DHX36: variants seen among roughly 807,000 people sequenced by gnomAD.
DHX36 encodes the protein ATP-dependent DNA/RNA helicase DHX36.
A neutral mutation model predicts 139.0 loss-of-function variants in DHX36; 50 were observed. The observed-to-expected ratio is 0.36, with a 90% CI of 0.29 to 0.46. DHX36 has a LOEUF of 0.46. Among genes scored for constraint, DHX36 ranks in the 20% least tolerant of loss-of-function variants. DHX36 has a pLI of 1.00. For missense variants in DHX36, 1,024 were observed against 1,211.3 expected (o/e 0.85, Z 2.29); for synonymous variants, 425 against 401.9 (o/e 1.06, Z -0.69).
In DHX36 at chr3:154,280,724, G is replaced by C; in HGVS notation, c.2476+39C>G. On this transcript the variant is annotated intron_variant, in intron 21 of 24. Coordinates refer to ENST00000496811, the MANE Select transcript of DHX36 (RefSeq NM_020865.3). ...AGAAAAGTAAAATACTGATACAATA[G>C]ACAAAAGATACTTATTTACACTGTG... The C allele has an allele frequency of 3.1e-6, 5 of 1,603,560 alleles. No homozygotes were observed. In the South Asian group the frequency reaches 5.5e-5, roughly 18 times the overall value.
chr3:154,301,103 GT>G lies in DHX36; in HGVS notation c.1241del (p.His414ProfsTer14). The G allele has an allele frequency of 6.2e-7, 1 of 1,603,618 alleles. No homozygotes were observed. The highest frequency in any genetic ancestry group is 1.1e-5 in the South Asian group (1 of 87,676). ...KIRYVPEQKEHRSQFKRGFMQ... is the reference protein window; with the variant it reads ...KIRYVPEQKEXRSQFKRGFMQ... ...TGAAACCCCTCTTAAACTGGGATCT[GT>G]GTTCTTTTTGTTCTGGAACATACCT... is the stretch of plus-strand genomic sequence containing the variant. On this transcript the variant is annotated frameshift_variant, in exon 10 of 25. Transcript: ENST00000496811. LOFTEE classifies it high-confidence loss of function.
rs547184583 is a variant in DHX36, at chr3:154,295,634, T to C, written c.1550-295A>G. ...GCTAACATTTTGTTCTGTTAGTTTATTTCATATTGATAAGTATTTTCCCCA... is the reference window on the plus strand; with the variant it reads ...GCTAACATTTTGTTCTGTTAGTTTACTTCATATTGATAAGTATTTTCCCCA... On this transcript the variant is annotated intron_variant, in intron 12 of 24. Transcript: ENST00000496811. Among the ~76,000 whole-genome samples the C allele has an allele frequency of 2.6e-5, 4 of 152,366 alleles. No homozygotes were observed. The South Asian group carries it at 6.2e-4, about 24-fold the overall frequency.
At chr3:154,300,138 G>A (rs1246124751) in intron 11 of DHX36, among the ~76,000 whole-genome samples, 5 of 151,884 alleles carry the variant, frequency 3.3e-5, no homozygotes, top group Admixed American at 1.3e-4. Flanking sequence ...GCATGATCTC[G>A]GATCACTGCA....
In DHX36 at chr3:154,273,273, T is replaced by C. The variant is rs1320586213; in HGVS notation, c.*2898A>G. ...GTAAGTAGCACCTTGGATTAAAATGTCCAACCTAATCAGCTGTGCAGAAGA... is the reference window on the plus strand; with the variant it reads ...GTAAGTAGCACCTTGGATTAAAATGCCCAACCTAATCAGCTGTGCAGAAGA... On this transcript the variant is annotated 3_prime_UTR_variant, in exon 25 of 25. Coordinates refer to ENST00000496811, the MANE Select transcript of DHX36 (RefSeq NM_020865.3). The C allele has an allele frequency of 6.6e-6, 1 of 152,220 alleles. No homozygotes were observed. The highest frequency in any genetic ancestry group is 1.9e-4 in the East Asian group (1 of 5,204). The allele number at this position is 152,220 out of a possible 1,614,324, so 9.4% of individuals were successfully genotyped here. A position where few individuals can be genotyped will look rare whatever the true frequency, so the allele number is the denominator to read the frequency against.
intron 19 of DHX36, among the ~76,000 whole-genome samples, chr3:154,283,859 A>T (rs1719415926): frequency 6.6e-6 from 1 of 152,250 alleles, no homozygotes; most frequent in Non-Finnish European, 1.5e-5. Context: ...TGGGAGCAGA[A>T]AATGTCTCTT....
intron 13 of DHX36, among the ~76,000 whole-genome samples, chr3:154,294,559 C>T (rs1054260525): frequency 6.6e-6 from 1 of 152,160 alleles, no homozygotes; most frequent in African/African-American, 2.4e-5. Flanking sequence ...TCTTTGGAAT[C>T]AAGAGTTTTC....
chr3:154,288,153 A>T (rs1711623523), intron 17 of DHX36, among the ~76,000 whole-genome samples: 1 of 150,256 alleles, frequency 6.7e-6, no homozygotes, highest in African/African-American at 2.5e-5. Flanking sequence ...GTCTCAAAAA[A>T]AAAAAAAAAA....
intron 3 of DHX36, among the ~76,000 whole-genome samples, chr3:154,312,887 ATATATATATATATAAAAT>A (rs1712824764): frequency 8.6e-6 from 1 of 116,262 alleles, no homozygotes; most frequent in Admixed American, 9.1e-5. Context: ...ATATATATAT[ATATATATATATATAAAAT>A]AAATAAAGAA....
intron 1 of DHX36, among the ~76,000 whole-genome samples, chr3:154,316,969 G>A (rs1713011837): frequency 6.6e-6 from 1 of 152,056 alleles, no homozygotes; most frequent in Non-Finnish European, 1.5e-5. Context: ...AACACACGCG[G>A]AGTGGTGAAA....
At chr3:154,307,763 G>A (rs1712559391) in intron 5 of DHX36, among the ~76,000 whole-genome samples, 1 of 151,156 alleles carries the variant, frequency 6.6e-6, no homozygotes, top group African/African-American at 2.4e-5. Context: ...TCCCACTGCT[G>A]GGTTTCTACC....
At chr3:154,303,089 C>A (rs1385545341) in intron 9 of DHX36, among the ~76,000 whole-genome samples, 6 of 151,922 alleles carry the variant, frequency 3.9e-5, no homozygotes, top group African/African-American at 1.2e-4. Context: ...TTAAAAAAAA[C>A]CACGGATGCC....
chr3:154,303,070 C>G (rs1176312245), intron 9 of DHX36, among the ~76,000 whole-genome samples: 2 of 152,078 alleles, frequency 1.3e-5, no homozygotes, highest in African/African-American at 4.8e-5. Context: ...GAGAGAGACT[C>G]TGTCTCAATT....
At chr3:154,287,262 G>C (rs1056355869) in intron 17 of DHX36, among the ~76,000 whole-genome samples, 1 of 152,100 alleles carries the variant, frequency 6.6e-6, no homozygotes, top group Admixed American at 6.5e-5. Flanking sequence ...AAACAAAACA[G>C]TAAATTTTTT....
chr3:154,277,316 C>G (rs1719181293), intron 23 of DHX36, among the ~76,000 whole-genome samples: 1 of 152,140 alleles, frequency 6.6e-6, no homozygotes, highest in South Asian at 2.1e-4. Flanking sequence ...ACAATGTAAA[C>G]TCCTGTACAC....
chr3:154,318,523 A>G (rs1254512731), intron 1 of DHX36, among the ~76,000 whole-genome samples: 1 of 152,128 alleles, frequency 6.6e-6, no homozygotes, highest in Non-Finnish European at 1.5e-5. Flanking sequence ...CCCCCGGAAA[A>G]GGTGAATTAC....
rs764748750 is a variant in DHX36, at chr3:154,324,344, C to T, written c.73G>A (p.Gly25Arg). 6.2e-7 allele frequency: 1 copy of T among 1,607,308 alleles called. No homozygotes were observed. The highest frequency in any genetic ancestry group is 1.7e-5 in the Admixed American group (1 of 59,220). The change falls in exon 1 of 25, where the codon GGG (glycine) becomes AGG (arginine). Residue 25 changes from glycine (G) to arginine (R), a missense_variant. Gly to Arg is a moderately radical substitution (Grantham distance 125, BLOSUM62 -2). Around this residue, in one of 4 missense-constraint regions of DHX36, gnomAD observed 293 missense variants for 274.4 expected, o/e 1.07. Transcript: ENST00000496811. ...PRSSGGGYGG[G>R]PAGGHGGNRG... ...TTACCTCCATGACCCCCTGCTGGCC[C>T]CCCTCCATAGCCCCCACCGGAGCTG...
chr3:154,297,323 C>T (rs1303242908), intron 12 of DHX36, among the ~76,000 whole-genome samples: 1 of 152,146 alleles, frequency 6.6e-6, no homozygotes, highest in African/African-American at 2.4e-5. Flanking sequence ...CTTGCTTATA[C>T]ATTTAGAAAT....
At chr3:154,305,540 T>TGGG (rs1177861192) in intron 6 of DHX36, among the ~76,000 whole-genome samples, 1 of 152,086 alleles carries the variant, frequency 6.6e-6, no homozygotes, top group Admixed American at 6.6e-5. Context: ...GAGGCCAAGA[T>TGGG]GGGAGGGTTG....
At chr3:154,281,100 A>G (rs892532856) in intron 20 of DHX36, among the ~76,000 whole-genome samples, 2 of 152,140 alleles carry the variant, frequency 1.3e-5, no homozygotes, top group Non-Finnish European at 2.9e-5. Context: ...ACAATGGCAG[A>G]GGTCAATGCT....
Sources: gnomAD v4.1 joint callset for allele counts (sites outside exome capture counted in the v4.1 genomes callset) on GRCh38, gnomAD v4.1.1 for gene constraint, gnomAD v4.1.1 regional missense constraint, MANE v1.5 for transcripts, NCBI Gene and HGNC (gene_info 2026-07-23, HGNC 2026-07-21) for gene names.